Variants in GRIP1 observed in about 807,000 individuals in gnomAD.
GRIP1 encodes the protein glutamate receptor-interacting protein 1.
GRIP1 carries 45 observed loss-of-function variants against 129.9 expected under a neutral mutation model. That is an observed-to-expected ratio of 0.35 (90% CI 0.27 to 0.44). The LOEUF (loss-of-function observed/expected upper bound fraction) is 0.44, where lower values mean the gene tolerates loss of function less well. Ranked by LOEUF, GRIP1 falls within the 20% of genes least tolerant of loss-of-function variation. GRIP1 has a pLI of 1.00. For missense variants in GRIP1, 1,196 were observed against 1,396.8 expected, an observed-to-expected ratio of 0.86 and a Z score of 2.29; for synonymous variants, 530 against 520.8, an observed-to-expected ratio of 1.02 and a Z score of -0.24.
chr12:66,894,037 G>T (rs1000152610), intron 1 of GRIP1, among the ~76,000 whole-genome samples: 6 of 152,124 alleles, frequency 3.9e-5, no homozygotes, highest in African/African-American at 1.4e-4. Flanking sequence ...CCAACTCAGG[G>T]CCTGTGTACT....
intron 1 of GRIP1, chr12:66,647,472 T>A (rs1402608182): frequency 6.6e-6 from 1 of 152,184 alleles, no homozygotes; most frequent in African/African-American, 2.4e-5. Context: ...AAACTATGAA[T>A]CACCTTCCCA....
At chr12:66,961,149 T>C (rs2041915604) in intron 1 of GRIP1, among the ~76,000 whole-genome samples, 1 of 152,116 alleles carries the variant, frequency 6.6e-6, no homozygotes, top group African/African-American at 2.4e-5. Flanking sequence ...AACCAGCATA[T>C]ACAATACTCC....
chr12:66,860,273 T>C (rs992529669), intron 1 of GRIP1, among the ~76,000 whole-genome samples: 3 of 152,090 alleles, frequency 2.0e-5, no homozygotes, highest in Non-Finnish European at 4.4e-5. Context: ...GTGCTTGCTG[T>C]GTGAATGCTT....
At chr12:66,799,497 A>G (rs1308570000) in intron 1 of GRIP1, among the ~76,000 whole-genome samples, 1 of 152,108 alleles carries the variant, frequency 6.6e-6, no homozygotes, top group African/African-American at 2.4e-5. Context: ...AATGGCTTCT[A>G]TGCTTGTAAG....
chr12:66,951,428 CAGAA>C (rs1295799793), intron 1 of GRIP1, among the ~76,000 whole-genome samples: 2 of 152,018 alleles, frequency 1.3e-5, no homozygotes, highest in African/African-American at 4.8e-5. Context: ...TTTCTGAGAA[CAGAA>C]AGAATGAACA....
intron 7 of GRIP1, 130 bp downstream of exon 7, chr12:66,515,489 G>T: frequency 1.2e-6 from 1 of 867,798 alleles, no homozygotes; most frequent in East Asian, 2.4e-5. Flanking sequence ...AGAGTAAAAT[G>T]ATATAGTATT....
chr12:66,666,886 T>A (rs1310813719), intron 1 of GRIP1, among the ~76,000 whole-genome samples: 1 of 152,130 alleles, frequency 6.6e-6, no homozygotes, highest in East Asian at 1.9e-4. Flanking sequence ...ACCTTTTTTT[T>A]TTTTGATTTG....
intron 7 of GRIP1, among the ~76,000 whole-genome samples, chr12:66,503,185 G>A (rs1355101631): frequency 6.6e-6 from 1 of 152,112 alleles, no homozygotes; most frequent in Non-Finnish European, 1.5e-5. Context: ...ACTTAAAATT[G>A]GTAATTGGCT....
chr12:66,509,521 G>A (rs1287460771), intron 7 of GRIP1, among the ~76,000 whole-genome samples: 1 of 152,076 alleles, frequency 6.6e-6, no homozygotes, highest in Non-Finnish European at 1.5e-5. Flanking sequence ...TTCCTTAGAT[G>A]TTCATGCTTT....
chr12:66,923,970 G>A (rs766273473), intron 1 of GRIP1, among the ~76,000 whole-genome samples: 51 of 151,938 alleles, frequency 3.4e-4, no homozygotes, highest in African/African-American at 1.1e-3. Context: ...TCAGCCTCCC[G>A]AGTAGCTGGG....
chr12:66,906,308 C>G (rs1052341009), intron 1 of GRIP1, among the ~76,000 whole-genome samples: 1 of 151,982 alleles, frequency 6.6e-6, no homozygotes, highest in African/African-American at 2.4e-5. Context: ...GGTGGACACA[C>G]TTGTAGTCCC....
intron 1 of GRIP1, among the ~76,000 whole-genome samples, chr12:66,674,153 A>G (rs1319985378): frequency 6.6e-6 from 1 of 152,188 alleles, no homozygotes; most frequent in African/African-American, 2.4e-5. Context: ...AATGAGGTCC[A>G]GCACAGAGAG....
intron 1 of GRIP1, among the ~76,000 whole-genome samples, chr12:66,991,892 C>T (rs2042399934): frequency 6.6e-6 from 1 of 152,176 alleles, no homozygotes; most frequent in African/African-American, 2.4e-5. Context: ...TCCAAATTTA[C>T]AACACTAATG....
At chr12:66,728,767 T>C (rs754654707) in intron 1 of GRIP1, among the ~76,000 whole-genome samples, 4 of 152,202 alleles carry the variant, frequency 2.6e-5, no homozygotes, top group African/African-American at 7.2e-5. Context: ...TAAGTCATTG[T>C]GGTACACCAA....
chr12:66,940,307 A>G (rs1204759557), intron 1 of GRIP1, among the ~76,000 whole-genome samples: 1 of 152,182 alleles, frequency 6.6e-6, no homozygotes, highest in Non-Finnish European at 1.5e-5. Flanking sequence ...CATCACCAAG[A>G]TAACAGGGAT....
intron 1 of GRIP1, among the ~76,000 whole-genome samples, chr12:66,826,439 C>A (rs890901706): frequency 3.3e-5 from 5 of 152,050 alleles, no homozygotes; most frequent in Admixed American, 1.3e-4. Context: ...TATCCCAGAA[C>A]TTAAAGTATA....
chr12:67,041,060 C>T lies in GRIP1; in HGVS notation c.58+27990G>A, dbSNP rs769058290. On this transcript the variant is annotated intron_variant, in intron 1 of 1. Transcript: ENST00000643019. ...TTTGGACTCAGACTTCAGCTCTTTC[C>T]TGAGTGTCCACCCTGCAGGCCTGCC... 5.9e-5 allele frequency among the ~76,000 whole-genome samples: 9 copies of T among 152,238 alleles called. No homozygotes were observed. The South Asian group carries it at 1.9e-3, about 32-fold the overall frequency.
At chr12:66,483,333 A>AT (rs1386933716) in intron 7 of GRIP1, among the ~76,000 whole-genome samples, 2 of 152,062 alleles carry the variant, frequency 1.3e-5, no homozygotes, top group East Asian at 1.9e-4. Flanking sequence ...TTGCTGATTT[A>AT]TTTTTTTTCT....
chr12:66,385,255 G>A (rs1031988545), intron 19 of GRIP1, among the ~76,000 whole-genome samples: 29 of 152,314 alleles, frequency 1.9e-4, no homozygotes, highest in African/African-American at 7.0e-4. Flanking sequence ...GGTGGCTCAG[G>A]CAGGGCACGG....
Sources: gnomAD v4.1 joint callset for allele counts (sites outside exome capture counted in the v4.1 genomes callset) on GRCh38, gnomAD v4.1.1 for gene constraint, MANE v1.5 for transcripts, NCBI Gene and HGNC (gene_info 2026-07-23, HGNC 2026-07-21) for gene names.